LRRC9: variants seen among roughly 807,000 people sequenced by gnomAD.
The protein encoded by LRRC9 is leucine rich repeat containing 9.
In LRRC9, 122 loss-of-function variants were observed where a neutral mutation model predicts 63.2. The observed-to-expected ratio is 1.93, with a 90% confidence interval of 1.67 to 2.24. The LOEUF is 2.24. Among genes scored for constraint, LRRC9 ranks in the 30% most tolerant of loss-of-function variants. The probability of loss-of-function intolerance (pLI) is 0.00; values close to 1 mark genes in which losing one functional copy is unlikely to be tolerated. For synonymous variants in LRRC9, 366 were observed against 213.1 expected (o/e 1.72, Z -6.25); for missense variants, 1,071 against 627.7 (o/e 1.71, Z -7.55).
chr14:60,023,476 G>A (rs908783979), intron 27 of LRRC9, among the ~76,000 whole-genome samples: 2 of 151,878 alleles, frequency 1.3e-5, no homozygotes, highest in African/African-American at 2.4e-5. Flanking sequence ...ACATGACTGT[G>A]GTGTCTATGG....
At chr14:60,029,441 C>T (rs1891818032) in intron 28 of LRRC9, among the ~76,000 whole-genome samples, 1 of 152,060 alleles carries the variant, frequency 6.6e-6, no homozygotes, top group Non-Finnish European at 1.5e-5. Flanking sequence ...AATTACGTGA[C>T]ATTTTATAGG....
chr14:59,997,340 T>C lies in LRRC9; in HGVS notation c.2212-316T>C, dbSNP rs971464048. On this transcript the variant is annotated intron_variant, in intron 17 of 31. Transcript: ENST00000445360. ...ACAGTATAAACAAGAAGCCTATATA[T>C]TAAAAAGTACATTTTGTTTGTTGGG... Among the ~76,000 whole-genome samples the C allele has an allele frequency of 2.0e-5, 3 of 152,122 alleles. No homozygotes were observed. The South Asian group carries it at 6.2e-4, about 32-fold the overall frequency.
At chr14:59,937,195 TAAAAAAAAA>T (rs755193026) in intron 6 of LRRC9, among the ~76,000 whole-genome samples, 139 of 89,480 alleles carry the variant, frequency 1.6e-3, no homozygotes, top group Non-Finnish European at 2.7e-3. Flanking sequence ...ATGTTTTCTG[TAAAAAAAAA>T]AAAAAAAAAA....
chr14:60,060,666 G>A lies in LRRC9; in HGVS notation c.4276+2644G>A, dbSNP rs1267890193. On this transcript the variant is annotated intron_variant, in intron 31 of 31. Coordinates refer to ENST00000445360, the Ensembl canonical transcript of LRRC9. The surrounding 1 kb of genome is among the most constrained non-coding windows in gnomAD (Gnocchi z 4.0). ...TGAGTCAAGAGAATGGCATGAACCTGGGAGGCGGAGCTTGCAGTGAACCGA... is the reference window on the plus strand; with the variant it reads ...TGAGTCAAGAGAATGGCATGAACCTAGGAGGCGGAGCTTGCAGTGAACCGA... Among the ~76,000 whole-genome samples the A allele has an allele frequency of 1.3e-5, 2 of 152,238 alleles. No individual in the cohort carries two copies. The highest frequency in any genetic ancestry group is 2.1e-4 in the South Asian group (1 of 4,818).
intron 7 of LRRC9, 31 bp from the exon 8 acceptor site, chr14:59,944,558 A>G: frequency 3.7e-6 from 2 of 542,662 alleles, no homozygotes. Flanking sequence ...TGTTTTAGCT[A>G]ATTTTTTGTT....
intron 28 of LRRC9, among the ~76,000 whole-genome samples, chr14:60,028,983 G>A (rs891133343): frequency 1.3e-5 from 2 of 152,058 alleles, no homozygotes; most frequent in Non-Finnish European, 2.9e-5. Context: ...GAAATCATGA[G>A]CCATGCTCCT....
intron 14 of LRRC9, 120 bp downstream of exon 14, chr14:59,977,467 A>G (rs565625030): frequency 1.8e-6 from 1 of 569,804 alleles, no homozygotes; most frequent in African/African-American, 1.9e-5. Flanking sequence ...TTCTACAAAA[A>G]TCTGTTACTA....
intron 16 of LRRC9, 134 bp downstream of exon 16, chr14:59,982,194 C>A: frequency 1.7e-6 from 1 of 573,504 alleles, no homozygotes; most frequent in Non-Finnish European, 3.1e-6. Context: ...GCGTCCATTT[C>A]TCTTTTTCTA....
intron 8 of LRRC9, among the ~76,000 whole-genome samples, chr14:59,946,592 G>C (rs1408153379): frequency 6.9e-6 from 1 of 145,852 alleles, no homozygotes; most frequent in East Asian, 2.0e-4. Flanking sequence ...TGCCATGCTG[G>C]TGCGCTGCAC....
intron 6 of LRRC9, among the ~76,000 whole-genome samples, chr14:59,933,818 G>A (rs1182022045): frequency 6.6e-6 from 1 of 152,108 alleles, no homozygotes; most frequent in African/African-American, 2.4e-5. Flanking sequence ...TACAAAGGCA[G>A]GGAAGTGAGA....
At position 59,964,612 on chromosome 14, in the gene LRRC9, G is replaced by A. The variant is rs1049893407; in HGVS notation, c.1212-1977G>A. On this transcript the variant is annotated intron_variant, in intron 10 of 31. Transcript: ENST00000445360. The surrounding 1 kb of genome is among the most constrained non-coding windows in gnomAD (Gnocchi z 4.4). ...ATATAGCAAAAACTTTATCTAAAAC[G>A]CCTACAGCCCTAGTTTCTATCAGAG... 2.0e-5 allele frequency among the ~76,000 whole-genome samples: 3 copies of A among 152,026 alleles called. No individual in the cohort carries two copies. The highest frequency in any genetic ancestry group is 7.3e-5 in the African/African-American group (3 of 41,370).
intron 12 of LRRC9, chr14:59,973,638 G>A (rs1365081768): frequency 6.6e-6 from 1 of 152,016 alleles, no homozygotes; most frequent in African/African-American, 2.4e-5. Context: ...TATTTAAATA[G>A]TTGTTATACT....
rs1301587829 is a variant in LRRC9 at position 60,017,913 on chromosome 14, A to G, written c.3318-458A>G. Among the ~76,000 whole-genome samples the G allele has an allele frequency of 6.6e-6, 1 of 151,974 alleles. No homozygotes were observed. The highest frequency in any genetic ancestry group is 1.5e-5 in the Non-Finnish European group (1 of 67,932). On this transcript the variant is annotated intron_variant, in intron 24 of 31. Coordinates refer to ENST00000445360, the Ensembl canonical transcript of LRRC9. This position sits in a 1 kb window ranked among gnomAD's most constrained non-coding sequence, Gnocchi z 4.0. ...CAGAAACTCTATTTTCAAAGACCTT[A>G]CCTGCTTTTCCTTTCCTTTCCTATC...
At chr14:59,946,732 C>T (rs895603309) in intron 8 of LRRC9, among the ~76,000 whole-genome samples, 1 of 147,176 alleles carries the variant, frequency 6.8e-6, no homozygotes, top group African/African-American at 2.5e-5. Context: ...GTTCAATTCC[C>T]ACCTATGAGT....
Position 59,991,544 on chromosome 14 carries a change from G to A in LRRC9, c.2212-6112G>A, listed in dbSNP as rs1397727967. On this transcript the variant is annotated intron_variant, in intron 17 of 31. Transcript: ENST00000445360. ...ATTGCCTCACCCAGGAAGTGCAAGGGGTCAGGGAATTCCCTTTCCTAGTCA... is the reference window on the plus strand; with the variant it reads ...ATTGCCTCACCCAGGAAGTGCAAGGAGTCAGGGAATTCCCTTTCCTAGTCA... Among the ~76,000 whole-genome samples the A allele has an allele frequency of 1.3e-5, 2 of 152,102 alleles. 1 individual carries two copies. Among genetic ancestry groups the A allele is most frequent in the Non-Finnish European group, 2.9e-5 (2 of 68,022 alleles).
chr14:59,930,148 C>T lies in LRRC9; in HGVS notation c.268-770C>T, dbSNP rs1448644230. Among the ~76,000 whole-genome samples, 2 of 152,014 alleles carry T rather than the reference C, an allele frequency of 1.3e-5. No individual in the cohort carries two copies. Among genetic ancestry groups the T allele is most frequent in the African/African-American group, 4.8e-5 (2 of 41,424 alleles). On this transcript the variant is annotated intron_variant, in intron 3 of 31. Coordinates refer to ENST00000445360, the Ensembl canonical transcript of LRRC9. The surrounding 1 kb of genome is among the most constrained non-coding windows in gnomAD (Gnocchi z 4.9). ...GGGATTAAAACATAAACATATTCTA[C>T]TTTTTAGTAATCAAATCATAACCAG... is the stretch of plus-strand genomic sequence containing the variant.
At chr14:59,997,962 G>C (rs1475683189) in intron 18 of LRRC9, 115 bp downstream of exon 18, 1 of 562,670 alleles carries the variant, frequency 1.8e-6, no homozygotes, top group Admixed American at 3.2e-5. Flanking sequence ...CGTTTTTCTA[G>C]ACTTCCTTCC....
At chr14:59,997,029 AAAT>A (rs1410626589) in intron 17 of LRRC9, among the ~76,000 whole-genome samples, 1 of 152,140 alleles carries the variant, frequency 6.6e-6, no homozygotes, top group Non-Finnish European at 1.5e-5. Context: ...AAAGGATACA[AAAT>A]TATATATGTT....
Position 59,930,544 on chromosome 14 carries a change from T to G in LRRC9, c.268-374T>G, listed in dbSNP as rs908567583. 1.3e-5 allele frequency among the ~76,000 whole-genome samples: 2 copies of G among 151,850 alleles called. No individual in the cohort carries two copies. Among genetic ancestry groups the G allele is most frequent in the Non-Finnish European group, 2.9e-5 (2 of 67,888 alleles). On this transcript the variant is annotated intron_variant, in intron 3 of 31. Coordinates refer to ENST00000445360, the Ensembl canonical transcript of LRRC9. This position sits in a 1 kb window ranked among gnomAD's most constrained non-coding sequence, Gnocchi z 4.9. ...TCTTAATTTAAAGAGTCCCACAAAA[T>G]TGTGTGTGCATTAGGATTATAAAGT...
Sources: gnomAD v4.1 joint callset for allele counts (sites outside exome capture counted in the v4.1 genomes callset) on GRCh38, gnomAD v4.1.1 for gene constraint, Gnocchi (gnomAD v3.1) non-coding constraint, MANE v1.5 for transcripts, NCBI Gene and HGNC (gene_info 2026-07-23, HGNC 2026-07-21) for gene names.